Variants in PIAS2 observed in about 807,000 individuals in gnomAD.
PIAS2 encodes protein inhibitor of activated STAT 2, also known as E3 SUMO-protein ligase PIAS2.
A neutral mutation model predicts 69.7 loss-of-function variants in PIAS2; 19 were observed. The observed-to-expected ratio is 0.27, with a 90% CI of 0.19 to 0.40. The LOEUF (loss-of-function observed/expected upper bound fraction) is 0.40, where lower values mean the gene tolerates loss of function less well. PIAS2 is among the 10% of genes least tolerant of loss of function. PIAS2 has a pLI of 1.00. For synonymous variants in PIAS2, 261 were observed against 263.2 expected (o/e 0.99, Z 0.08); for missense variants, 624 against 757.0 (o/e 0.82, Z 2.06).
chr18:46,867,561 CAG>C (rs2145654330), intron 2 of PIAS2, among the ~76,000 whole-genome samples: 1 of 152,264 alleles, frequency 6.6e-6, no homozygotes, highest in South Asian at 2.1e-4. Context: ...ACCAATTCTG[CAG>C]AGATTCCATG....
Position 46,815,317 on chromosome 18 carries a change from G to A in PIAS2, c.1681C>T (p.Pro561Ser), listed in dbSNP as rs913136852. The A allele has an allele frequency of 6.2e-7, 1 of 1,611,406 alleles. No individual in the cohort carries two copies. Among genetic ancestry groups the A allele is most frequent in the Non-Finnish European group, 8.5e-7 (1 of 1,178,042 alleles). Residue 561 changes from proline to serine, a missense_variant, in exon 13 of 14, where the codon CCC (proline) becomes TCC (serine). Physicochemically the swap from Pro to Ser is moderately conservative, Grantham distance 74. This residue lies in a region of PIAS2 where 241 missense variants were observed against 257.3 expected (regional missense o/e 0.94). Transcript: ENST00000585916. ...CTTAAATTCAGGATACATACCTGGG[G>A]ATCAACTGGAATAAGGGAAAGAAAA... is the stretch of plus-strand genomic sequence containing the variant. ...LDFLSLIPVD[P>S]QYCPPMFLDS...
intron 1 of PIAS2, among the ~76,000 whole-genome samples, chr18:46,897,874 T>G (rs1289954029): frequency 6.6e-6 from 1 of 151,328 alleles, no homozygotes; most frequent in East Asian, 1.9e-4. Flanking sequence ...ATATAATTTT[T>G]GGGTTTTTTT....
At chr18:46,839,864 A>C (rs1027096597) in intron 8 of PIAS2, among the ~76,000 whole-genome samples, 6 of 131,978 alleles carry the variant, frequency 4.5e-5, no homozygotes, top group Non-Finnish European at 6.6e-5. Flanking sequence ...AAACTCTGTC[A>C]AAAAAAAAAA....
At chr18:46,914,893 T>C (rs906943619) in intron 1 of PIAS2, 1 of 152,192 alleles carries the variant, frequency 6.6e-6, no homozygotes, top group African/African-American at 2.4e-5. Flanking sequence ...CCACAATATA[T>C]TCTGATCCAA....
chr18:46,816,954 T>A (rs642897), intron 12 of PIAS2: 1 of 924,720 alleles, frequency 1.1e-6, no homozygotes, highest in African/African-American at 1.8e-5. Context: ...TCCTCTCCCT[T>A]CTTATGCCAA....
chr18:46,897,351 G>A (rs1170413772), intron 1 of PIAS2, among the ~76,000 whole-genome samples: 1 of 152,150 alleles, frequency 6.6e-6, no homozygotes, highest in African/African-American at 2.4e-5. Flanking sequence ...CCAGAAAACA[G>A]AGAAGCTATC....
intron 8 of PIAS2, among the ~76,000 whole-genome samples, chr18:46,841,647 G>T (rs2045404597): frequency 6.6e-6 from 1 of 152,138 alleles, no homozygotes. Context: ...ATAGCCCAAA[G>T]AGTAGCATTC....
At chr18:46,830,410 G>A (rs1473868706) in intron 9 of PIAS2, among the ~76,000 whole-genome samples, 1 of 151,768 alleles carries the variant, frequency 6.6e-6, no homozygotes, top group Non-Finnish European at 1.5e-5. Flanking sequence ...ATGAGTCAAA[G>A]ATAAAAATAA....
intron 1 of PIAS2, among the ~76,000 whole-genome samples, chr18:46,914,233 C>T: frequency 6.6e-6 from 1 of 152,212 alleles, no homozygotes; most frequent in East Asian, 1.9e-4. Context: ...TTTCCCTTTT[C>T]AGAGAACTTC....
At chr18:46,830,507 A>T (rs73437121) in intron 9 of PIAS2, among the ~76,000 whole-genome samples, 3,028 of 152,172 alleles carry the variant, frequency 0.02, 98 homozygotes, top group African/African-American at 0.069. Flanking sequence ...AGGAAAATTT[A>T]TAGCATTAAT....
At chr18:46,818,613 T>C (rs2041828078) in intron 12 of PIAS2, among the ~76,000 whole-genome samples, 1 of 151,920 alleles carries the variant, frequency 6.6e-6, no homozygotes, top group South Asian at 2.1e-4. Flanking sequence ...TACATAAAAA[T>C]TATGCATAAA....
At chr18:46,849,234 C>T (rs1361693986) in intron 5 of PIAS2, among the ~76,000 whole-genome samples, 3 of 152,088 alleles carry the variant, frequency 2.0e-5, no homozygotes, top group Non-Finnish European at 2.9e-5. Context: ...TCTCACTCAG[C>T]ATAAAGTGTT....
At chr18:46,903,289 A>G (rs2056153592) in intron 1 of PIAS2, among the ~76,000 whole-genome samples, 1 of 152,216 alleles carries the variant, frequency 6.6e-6, no homozygotes, top group Admixed American at 6.5e-5. Context: ...CAAAGAAAAT[A>G]TTAACATTTG....
rs534706880 is a variant in PIAS2, at chr18:46,812,207, A to C, written c.*226T>G. The C allele has an allele frequency of 2.5e-6, 1 of 403,246 alleles. No homozygotes were observed. Among genetic ancestry groups the C allele is most frequent in the Admixed American group, 4.0e-5 (1 of 24,966 alleles). 25.0% of individuals were successfully genotyped at this position (403,246 alleles called of 1,614,324 possible). ...TCTCAGGAAGATACAGTTATGGTTG[A>C]ATGTATCTGATGCTGAGAGTACAGC... On this transcript the variant is annotated 3_prime_UTR_variant, in exon 14 of 14. Transcript: ENST00000585916.
At chr18:46,905,636 A>G (rs182598019) in intron 1 of PIAS2, 1 of 152,252 alleles carries the variant, frequency 6.6e-6, no homozygotes, top group Admixed American at 6.5e-5. Flanking sequence ...AGGGGATATT[A>G]ACTACAAGTA....
rs937505339 is a variant in PIAS2 at position 46,804,316 on chromosome 18, T to C, written c.*8117A>G. ...GGATAATAGTTAGGGAACACTTGCT[T>C]TTTAGATAGAATGATCAAGAAAGGC... On this transcript the variant is annotated 3_prime_UTR_variant, in exon 14 of 14. Coordinates refer to ENST00000585916, the MANE Select transcript of PIAS2 (RefSeq NM_004671.5). The C allele has an allele frequency of 6.6e-6, 1 of 152,176 alleles. No homozygotes were observed. Among genetic ancestry groups the C allele is most frequent in the Non-Finnish European group, 1.5e-5 (1 of 68,042 alleles). 9.4% of individuals were successfully genotyped at this position (152,176 alleles called of 1,614,324 possible).
chr18:46,876,529 T>C (rs967873973), intron 2 of PIAS2, among the ~76,000 whole-genome samples: 1 of 152,268 alleles, frequency 6.6e-6, no homozygotes, highest in East Asian at 1.9e-4. Context: ...TTAGACATGA[T>C]ACTAGCAGAG....
intron 1 of PIAS2, chr18:46,916,774 C>G: frequency 1.0e-6 from 1 of 967,080 alleles, no homozygotes; most frequent in Non-Finnish European, 1.2e-6. Context: ...ACATTAGGTT[C>G]CTCGAAGATG....
At chr18:46,916,861 GGA>G (rs1568941232) in intron 1 of PIAS2, 1 of 985,348 alleles carries the variant, frequency 1.0e-6, no homozygotes, top group African/African-American at 1.7e-5. Flanking sequence ...CATAAGAAGA[GGA>G]GAGATTCCTA....
Sources: gnomAD v4.1 joint callset for allele counts (sites outside exome capture counted in the v4.1 genomes callset) on GRCh38, gnomAD v4.1.1 for gene constraint, gnomAD v4.1.1 regional missense constraint, MANE v1.5 for transcripts, NCBI Gene and HGNC (gene_info 2026-07-23, HGNC 2026-07-21) for gene names.